The following GBF1 variants were observed in gnomAD, a reference collection of about 807,000 sequenced individuals.
GBF1 encodes golgi brefeldin A resistant guanine nucleotide exchange factor 1, also known as Golgi-specific brefeldin A-resistance guanine nucleotide exchange factor 1.
A neutral mutation model predicts 210.5 loss-of-function variants in GBF1; 114 were observed. The ratio of observed to expected loss-of-function variants is 0.54; its 90% CI spans 0.47 to 0.63. The LOEUF (loss-of-function observed/expected upper bound fraction) is 0.63, where lower values mean the gene tolerates loss of function less well. GBF1 is among the 30% of genes least tolerant of loss of function. GBF1 has a pLI of 0.00. For missense variants in GBF1, 1,851 were observed against 2,357.7 expected (o/e 0.79, Z 4.45); for synonymous variants, 850 against 889.2 (o/e 0.96, Z 0.78).
intron 4 of GBF1, among the ~76,000 whole-genome samples, chr10:102,349,069 AG>A (rs1399444270): frequency 5.9e-5 from 9 of 152,126 alleles, no homozygotes; most frequent in African/African-American, 2.2e-4. Flanking sequence ...GGATCACTTG[AG>A]CCCCAGAGGT....
intron 3 of GBF1, among the ~76,000 whole-genome samples, chr10:102,275,776 C>A (rs959503494): frequency 3.9e-5 from 6 of 152,164 alleles, no homozygotes; most frequent in Admixed American, 3.3e-4. Context: ...CTTGTTCCCT[C>A]TGGCCTGGGA....
Position 102,344,104 on chromosome 10 carries a change from C to T in GBF1, c.217C>T (p.Arg73Cys), listed in dbSNP as rs1408979933. Residue 73 changes from arginine to cysteine, a missense_variant, in exon 4 of 40, where the codon CGC becomes TGC. Physicochemically the swap from Arg to Cys is radical, Grantham distance 180 (BLOSUM62 -3). Around this residue, in one of 3 missense-constraint regions of GBF1, gnomAD observed 804 missense variants for 958.6 expected, o/e 0.84. Transcript: ENST00000369983. ...VFLRPFLEVI[R>C]SEDTTGPITG... ...CCTTCGACCTTTTCTGGAAGTGATT[C>T]GCTCTGAAGATACCACTGGCCCTAT... The T allele has an allele frequency of 8.1e-6, 13 of 1,611,014 alleles. No individual in the cohort carries two copies. Among genetic ancestry groups the T allele is most frequent in the Non-Finnish European group, 1.1e-5 (13 of 1,177,278 alleles).
At chr10:102,352,574 G>A in intron 7 of GBF1, 56 bp downstream of exon 7, 1 of 1,228,028 alleles carries the variant, frequency 8.1e-7, no homozygotes. Context: ...GAGTCTGCCT[G>A]CTTCCACACA....
chr10:102,275,011 CT>C (rs55784094), intron 3 of GBF1, among the ~76,000 whole-genome samples: 39,742 of 124,552 alleles, frequency 0.32, 6,500 homozygotes, highest in South Asian at 0.45. Context: ...CGCGCCAGGA[CT>C]TTTTTTTTTT....
intron 8 of GBF1, among the ~76,000 whole-genome samples, chr10:102,355,133 G>A (rs967688441): frequency 6.6e-6 from 1 of 152,138 alleles, no homozygotes; most frequent in Admixed American, 6.5e-5. Flanking sequence ...ACCTGCCTTA[G>A]GAAGAAAGGG....
In GBF1 at chr10:102,366,336, G is replaced by A. The variant is rs1462891092; in HGVS notation, c.2310-47G>A. Reference sequence around the variant, plus strand: ...GACAGTGACTAAAAGAGCCTGACATGTGCAGCTTACACATTTTCAGCCTCT... The same window carrying A: ...GACAGTGACTAAAAGAGCCTGACATATGCAGCTTACACATTTTCAGCCTCT... On this transcript the variant is annotated intron_variant, in intron 18 of 39. Coordinates refer to ENST00000369983, the MANE Select transcript of GBF1 (RefSeq NM_001377137.1). The surrounding 1 kb of genome is among the most constrained non-coding windows in gnomAD (Gnocchi z 4.0). 1.9e-6 allele frequency: 3 copies of A among 1,610,106 alleles called. No individual in the cohort carries two copies. The Admixed American group carries it at 5.0e-5, about 27-fold the overall frequency.
intron 24 of GBF1, 45 bp from the exon 25 acceptor site, chr10:102,369,666 T>A (rs769358987): frequency 6.3e-6 from 10 of 1,574,820 alleles, no homozygotes; most frequent in Admixed American, 1.7e-5. Flanking sequence ...CGGGCACAAA[T>A]GCAAAGGACA....
At chr10:102,330,405 C>T (rs887567723) in intron 3 of GBF1, among the ~76,000 whole-genome samples, 3 of 151,814 alleles carry the variant, frequency 2.0e-5, no homozygotes, top group Non-Finnish European at 4.4e-5. Context: ...TGTAGCTGGC[C>T]GGGTGCAGTG....
chr10:102,333,382 G>A (rs545282453), intron 3 of GBF1, among the ~76,000 whole-genome samples: 1 of 152,162 alleles, frequency 6.6e-6, no homozygotes, highest in Non-Finnish European at 1.5e-5. Context: ...GCTGATAAAC[G>A]AAGGTATGGG....
intron 3 of GBF1, among the ~76,000 whole-genome samples, chr10:102,288,723 AAAAAAAAAAAAAC>A (rs1392134050): frequency 3.1e-3 from 252 of 82,266 alleles, no homozygotes; most frequent in African/African-American, 5.6e-3. Context: ...GTCTCAAAGG[AAAAAAAAAAAAAC>A]AAAAAAAAAA....
At chr10:102,235,810 G>A in the GBF1 span, among the ~76,000 whole-genome samples, 21 of 152,172 alleles carry the variant, frequency 1.4e-4, no homozygotes, top group African/African-American at 4.6e-4. Flanking sequence ...AGGTGAGTAC[G>A]CTGCATTACT....
intron 3 of GBF1, among the ~76,000 whole-genome samples, chr10:102,336,225 G>A (rs1038981416): frequency 6.6e-6 from 1 of 150,958 alleles, no homozygotes. Flanking sequence ...TACTTGAACC[G>A]GGGAGGTGGA....
chr10:102,310,158 G>T (rs1454219131), intron 3 of GBF1, among the ~76,000 whole-genome samples: 1 of 152,178 alleles, frequency 6.6e-6, no homozygotes, highest in East Asian at 1.9e-4. Context: ...CGCCTTCAAG[G>T]CAAGTCTATT....
At position 102,363,671 on chromosome 10, in the gene GBF1, G is replaced by T. The variant is rs747946858; in HGVS notation, c.2018-39G>T. 7 of 1,296,384 alleles carry T rather than the reference G, an allele frequency of 5.4e-6. No homozygotes were observed. The Admixed American group carries it at 1.2e-4, about 22-fold the overall frequency. The allele number at this position is 1,296,384 out of a possible 1,614,324, so 80.3% of individuals were successfully genotyped here. A position where few individuals can be genotyped will look rare whatever the true frequency, so the allele number is the denominator to read the frequency against. ...AAAGTCCTTATCTGGGTAAAAAAAG[G>T]TGTTACAGATATTTCCCCCCTCTTC... On this transcript the variant is annotated intron_variant, in intron 16 of 39. Transcript: ENST00000369983. The surrounding 1 kb of genome is among the most constrained non-coding windows in gnomAD (Gnocchi z 4.2).
the GBF1 span, among the ~76,000 whole-genome samples, chr10:102,232,494 C>A: frequency 6.6e-6 from 1 of 152,104 alleles, no homozygotes; most frequent in South Asian, 2.1e-4. Flanking sequence ...ACCAGCCTGG[C>A]CAACATGGTA....
intron 8 of GBF1, among the ~76,000 whole-genome samples, chr10:102,357,712 T>A (rs1219846872): frequency 6.6e-6 from 1 of 152,048 alleles, no homozygotes; most frequent in Admixed American, 6.6e-5. Flanking sequence ...TCATGCATCA[T>A]CCATAGGGCT....
At chr10:102,356,425 T>C (rs2059290493) in intron 8 of GBF1, among the ~76,000 whole-genome samples, 1 of 152,168 alleles carries the variant, frequency 6.6e-6, no homozygotes, top group African/African-American at 2.4e-5. Context: ...AGAATGACTT[T>C]GTAGAGGGAC....
chr10:102,363,321 C>T lies in GBF1; in HGVS notation c.1942C>T (p.Pro648Ser), dbSNP rs1204413325. Residue 648 changes from proline (P) to serine (S), a missense_variant, in exon 16 of 40, where the codon CCA becomes TCA. Pro to Ser is a moderately conservative substitution (Grantham distance 74, BLOSUM62 -1). Transcript: ENST00000369983. The surrounding 1 kb of genome is among the most constrained non-coding windows in gnomAD (Gnocchi z 4.2). Reference protein sequence around the residue: ...MASDIPGLHLPGGGRLPPEHG... With the variant: ...MASDIPGLHLSGGGRLPPEHG... ...CTCAGACATCCCAGGCCTGCATCTG[C>T]CAGGTGGAGGGCGGCTGCCACCAGA... 6 of 1,613,700 alleles carry T rather than the reference C, an allele frequency of 3.7e-6. No homozygotes were observed. The Admixed American group carries it at 8.3e-5, about 22-fold the overall frequency.
At chr10:102,290,481 T>C (rs2076342868) in intron 3 of GBF1, among the ~76,000 whole-genome samples, 1 of 152,044 alleles carries the variant, frequency 6.6e-6, no homozygotes, top group Non-Finnish European at 1.5e-5. Flanking sequence ...TTTTTCTTTT[T>C]CTTTTTTATA....
Sources: gnomAD v4.1 joint callset for allele counts (sites outside exome capture counted in the v4.1 genomes callset) on GRCh38, gnomAD v4.1.1 for gene constraint, gnomAD v4.1.1 regional missense constraint, Gnocchi (gnomAD v3.1) non-coding constraint, MANE v1.5 for transcripts, NCBI Gene and HGNC (gene_info 2026-07-23, HGNC 2026-07-21) for gene names.